The following USP15 variants were observed in gnomAD, a reference collection of about 807,000 sequenced individuals.
USP15 encodes the protein ubiquitin specific peptidase 15, also known as ubiquitin carboxyl-terminal hydrolase 15.
Under a neutral mutation model 127.1 loss-of-function variants are expected in USP15, and 18 were observed. The ratio of observed to expected loss-of-function variants is 0.14; its 90% CI spans 0.10 to 0.21. USP15 has a LOEUF of 0.21. Among genes scored for constraint, USP15 ranks in the 10% least tolerant of loss-of-function variants. The pLI is 1.00. For synonymous variants in USP15, 364 were observed against 393.7 expected, an observed-to-expected ratio of 0.92 and a Z score of 0.89; for missense variants, 805 against 1,159.9, an observed-to-expected ratio of 0.69 and a Z score of 4.44.
At chr12:62,381,756 C>T in intron 9 of USP15, 93 bp downstream of exon 9, 1 of 1,309,824 alleles carries the variant, frequency 7.6e-7, no homozygotes, top group South Asian at 1.6e-5. Context: ...GTAGCTATTA[C>T]AATGGTTTGT....
chr12:62,370,788 T>C (rs190929222), intron 8 of USP15, among the ~76,000 whole-genome samples: 63 of 152,300 alleles, frequency 4.1e-4, no homozygotes, highest in African/African-American at 1.4e-3. Context: ...CTCCAATATG[T>C]AACTGTTAAA....
chr12:62,269,998 G>A (rs2063308971), intron 1 of USP15, among the ~76,000 whole-genome samples: 1 of 152,032 alleles, frequency 6.6e-6, no homozygotes, highest in Non-Finnish European at 1.5e-5. Context: ...ATTGCCACCA[G>A]CAGTGTATGA....
At chr12:62,311,383 C>T (rs966407408) in intron 3 of USP15, among the ~76,000 whole-genome samples, 9 of 151,618 alleles carry the variant, frequency 5.9e-5, no homozygotes, top group Non-Finnish European at 8.9e-5. Context: ...TGTAAAGGGC[C>T]AGATAGTAAA....
At chr12:62,326,425 A>G (rs1223466443) in intron 6 of USP15, among the ~76,000 whole-genome samples, 3 of 150,270 alleles carry the variant, frequency 2.0e-5, no homozygotes, top group Admixed American at 6.6e-5. Context: ...TAGAACTAAT[A>G]GATCTACACT....
chr12:62,295,079 A>C (rs947208617), intron 2 of USP15, among the ~76,000 whole-genome samples: 10 of 152,206 alleles, frequency 6.6e-5, no homozygotes, highest in African/African-American at 2.4e-4. Flanking sequence ...CCAAGGCTAC[A>C]AGAGTCCAGG....
chr12:62,313,714 G>T (rs922914994), intron 3 of USP15, among the ~76,000 whole-genome samples: 5 of 151,722 alleles, frequency 3.3e-5, no homozygotes, highest in Non-Finnish European at 7.4e-5. Context: ...ACATTTATTA[G>T]CAGAAGGAGA....
chr12:62,335,083 A>G, intron 6 of USP15: 1 of 1,439,876 alleles, frequency 6.9e-7, no homozygotes, highest in Non-Finnish European at 9.4e-7. Context: ...CAAACTGGCC[A>G]AAATTAGTTT....
chr12:62,298,322 C>T (rs1026977603), intron 2 of USP15, among the ~76,000 whole-genome samples: 7 of 151,854 alleles, frequency 4.6e-5, no homozygotes, highest in South Asian at 2.1e-4. Flanking sequence ...CACAGGAGTT[C>T]GAGATCAGCT....
chr12:62,261,700 C>A (rs774990996), intron 1 of USP15, among the ~76,000 whole-genome samples: 4 of 152,082 alleles, frequency 2.6e-5, no homozygotes, highest in Non-Finnish European at 4.4e-5. Context: ...TATGAGATAT[C>A]AAATTTTAGT....
At chr12:62,325,662 A>G (rs142417618) in intron 5 of USP15, among the ~76,000 whole-genome samples, 2 of 152,176 alleles carry the variant, frequency 1.3e-5, no homozygotes, top group East Asian at 1.9e-4. Context: ...CCTTCTCACT[A>G]TCATTACTGA....
At chr12:62,366,610 G>A (rs950361901) in intron 8 of USP15, among the ~76,000 whole-genome samples, 2 of 152,088 alleles carry the variant, frequency 1.3e-5, no homozygotes, top group African/African-American at 4.8e-5. Context: ...GGTGAGAGAG[G>A]GCATCCCTGT....
chr12:62,315,407 C>T (rs1021720970), intron 4 of USP15, among the ~76,000 whole-genome samples: 1 of 151,780 alleles, frequency 6.6e-6, no homozygotes, highest in South Asian at 2.1e-4. Context: ...ACTTAATTCT[C>T]TCTATATATT....
At position 62,335,206 on chromosome 12, in the gene USP15, C is replaced by T. The variant is rs973589200; in HGVS notation, c.683+9273C>T. The stretch of plus-strand genomic sequence containing the variant: ...GAGTTGCTAGTGAACAGTTTAATTT[C>T]CACATACGTCACAGAAAGAGAGCTA... On this transcript the variant is annotated intron_variant, in intron 6 of 21. Transcript: ENST00000280377. The T allele has an allele frequency of 6.5e-6, 10 of 1,535,432 alleles. No homozygotes were observed. The African/African-American group carries it at 1.4e-4, about 21-fold the overall frequency.
chr12:62,267,895 T>C (rs2063236645), intron 1 of USP15, among the ~76,000 whole-genome samples: 1 of 152,138 alleles, frequency 6.6e-6, no homozygotes, highest in African/African-American at 2.4e-5. Flanking sequence ...TATTTACCCA[T>C]ATGTTTTTAC....
intron 20 of USP15, among the ~76,000 whole-genome samples, chr12:62,399,154 T>C (rs1452355149): frequency 6.6e-6 from 1 of 152,188 alleles, no homozygotes; most frequent in Non-Finnish European, 1.5e-5. Flanking sequence ...TGGGTTGAGA[T>C]CAACAAACTC....
intron 19 of USP15, among the ~76,000 whole-genome samples, chr12:62,395,273 G>T (rs1172983019): frequency 6.6e-6 from 1 of 152,160 alleles, no homozygotes; most frequent in Non-Finnish European, 1.5e-5. Context: ...GGTCAATAGT[G>T]ATGACTGTTT....
At chr12:62,317,349 T>C (rs1046819287) in intron 4 of USP15, among the ~76,000 whole-genome samples, 19 of 152,192 alleles carry the variant, frequency 1.2e-4, no homozygotes, top group African/African-American at 3.9e-4. Context: ...CTTCCTCTTA[T>C]AGATAATGAA....
intron 2 of USP15, among the ~76,000 whole-genome samples, chr12:62,299,541 A>G (rs1205909957): frequency 1.3e-5 from 2 of 152,194 alleles, no homozygotes; most frequent in African/African-American, 4.8e-5. Context: ...TGAATGGTGC[A>G]CATTTACTTT....
intron 3 of USP15, among the ~76,000 whole-genome samples, chr12:62,312,641 A>G (rs1218900051): frequency 6.6e-6 from 1 of 151,700 alleles, no homozygotes; most frequent in Non-Finnish European, 1.5e-5. Flanking sequence ...AGTAAACATT[A>G]TAACTATCAT....
Sources: allele counts gnomAD v4.1 joint callset (sites outside exome capture counted in the v4.1 genomes callset), GRCh38; gene constraint gnomAD v4.1.1; transcripts MANE v1.5; gene names NCBI Gene and HGNC (gene_info 2026-07-23, HGNC 2026-07-21).